RAPGEF5: variants seen among roughly 807,000 people sequenced by gnomAD.
The protein encoded by RAPGEF5 is Rap guanine nucleotide exchange factor 5.
In RAPGEF5, 65 loss-of-function variants were observed where a neutral mutation model predicts 125.2. The ratio of observed to expected loss-of-function variants is 0.52; its 90% confidence interval spans 0.43 to 0.64. The LOEUF (loss-of-function observed/expected upper bound fraction) is 0.64. Ranked by LOEUF, RAPGEF5 falls within the 30% of genes least tolerant of loss-of-function variation. RAPGEF5 has a pLI of 0.00. For synonymous variants in RAPGEF5, 391 were observed against 385.9 expected (o/e 1.01, Z -0.16); for missense variants, 958 against 1,048.1 (o/e 0.91, Z 1.19).
chr7:22,300,733 G>T (rs905460163), intron 5 of RAPGEF5, among the ~76,000 whole-genome samples: 3 of 152,178 alleles, frequency 2.0e-5, no homozygotes, highest in African/African-American at 7.2e-5. Flanking sequence ...CCTCTGCCCA[G>T]TTCTGACCAA....
chr7:22,288,075 C>G (rs943450186), intron 6 of RAPGEF5, among the ~76,000 whole-genome samples: 1 of 152,196 alleles, frequency 6.6e-6, no homozygotes, highest in African/African-American at 2.4e-5. Context: ...ATTTTTCCAG[C>G]AAGATTATGT....
chr7:22,309,692 C>T (rs1328361588), intron 4 of RAPGEF5, among the ~76,000 whole-genome samples: 1 of 152,092 alleles, frequency 6.6e-6, no homozygotes, highest in Non-Finnish European at 1.5e-5. Context: ...AGTTTGTAAG[C>T]AGCATATTGA....
At chr7:22,334,028 AG>A (rs1369725246) in intron 1 of RAPGEF5, among the ~76,000 whole-genome samples, 1 of 145,556 alleles carries the variant, frequency 6.9e-6, no homozygotes, top group African/African-American at 2.5e-5. Flanking sequence ...CAGAGCGGAC[AG>A]TGTTAAGAGA....
intron 11 of RAPGEF5, among the ~76,000 whole-genome samples, chr7:22,183,024 G>C (rs1351421043): frequency 6.6e-6 from 1 of 152,136 alleles, no homozygotes; most frequent in African/African-American, 2.4e-5. Flanking sequence ...TATAATCCCA[G>C]CATTTTGGGA....
chr7:22,180,052 C>T (rs1445181528), intron 11 of RAPGEF5, among the ~76,000 whole-genome samples: 1 of 152,200 alleles, frequency 6.6e-6, no homozygotes, highest in Non-Finnish European at 1.5e-5. Flanking sequence ...TGAATTACTT[C>T]TTGCGTGAGA....
At chr7:22,344,460 T>C (rs953932516) in intron 1 of RAPGEF5, among the ~76,000 whole-genome samples, 2 of 151,586 alleles carry the variant, frequency 1.3e-5, no homozygotes, top group African/African-American at 4.8e-5. Context: ...GGTGACGCGA[T>C]TGAGGAGGGA....
At chr7:22,321,036 G>C (rs1028831397) in intron 1 of RAPGEF5, among the ~76,000 whole-genome samples, 1 of 152,058 alleles carries the variant, frequency 6.6e-6, no homozygotes, top group Non-Finnish European at 1.5e-5. Context: ...AATTACTTAA[G>C]TTGGATGCAA....
chr7:22,200,898 A>G (rs1003752193), intron 9 of RAPGEF5, among the ~76,000 whole-genome samples: 1 of 152,176 alleles, frequency 6.6e-6, no homozygotes, highest in African/African-American at 2.4e-5. Context: ...TATAAAGTCA[A>G]TGTCTTTTTA....
rs560073169 is a variant in RAPGEF5, at chr7:22,146,761, A to G, written c.2007+136T>C. ...TTTTTAGAATTGAGTCAGTCTTTCA[A>G]TATATTTCAAGTCCCCAAATATCTT... On this transcript the variant is annotated intron_variant, in intron 19 of 25. Coordinates refer to ENST00000665637, the MANE Select transcript of RAPGEF5 (RefSeq NM_012294.5). The G allele has an allele frequency of 9.7e-6, 11 of 1,135,928 alleles. No homozygotes were observed. The African/African-American group carries it at 1.6e-4, about 16-fold the overall frequency. 70.4% of individuals were successfully genotyped at this position (1,135,928 alleles called of 1,614,324 possible). A position where few individuals can be genotyped will look rare whatever the true frequency, so the allele number is the denominator to read the frequency against.
At chr7:22,153,014 C>T (rs903141071) in intron 17 of RAPGEF5, among the ~76,000 whole-genome samples, 1 of 152,158 alleles carries the variant, frequency 6.6e-6, no homozygotes, top group Non-Finnish European at 1.5e-5. Context: ...AATGGTATTT[C>T]ACAGCCACCA....
At chr7:22,335,531 C>A (rs943617747) in intron 1 of RAPGEF5, among the ~76,000 whole-genome samples, 2 of 151,926 alleles carry the variant, frequency 1.3e-5, no homozygotes, top group Non-Finnish European at 1.5e-5. Context: ...GGAGACCTGG[C>A]ACTGGGCAGG....
intron 24 of RAPGEF5, among the ~76,000 whole-genome samples, chr7:22,128,799 C>T (rs766684564): frequency 1.3e-5 from 2 of 152,164 alleles, no homozygotes; most frequent in Non-Finnish European, 2.9e-5. Flanking sequence ...GACGGGCTTG[C>T]GTGTGCGCTA....
chr7:22,352,037 C>T (rs558982562), intron 1 of RAPGEF5, among the ~76,000 whole-genome samples: 2 of 152,202 alleles, frequency 1.3e-5, no homozygotes, highest in African/African-American at 4.8e-5. Flanking sequence ...GAATTAGGCC[C>T]TTCTGATGAC....
chr7:22,227,986 G>C (rs1278361001), intron 8 of RAPGEF5, among the ~76,000 whole-genome samples: 5 of 152,190 alleles, frequency 3.3e-5, no homozygotes, highest in Admixed American at 3.3e-4. Context: ...AGAATATTTT[G>C]TGTCTGCAAA....
intron 4 of RAPGEF5, among the ~76,000 whole-genome samples, chr7:22,309,036 G>A (rs931111554): frequency 2.0e-5 from 3 of 152,088 alleles, no homozygotes; most frequent in African/African-American, 4.8e-5. Flanking sequence ...TACAATGTAC[G>A]GGACAGCCCG....
intron 1 of RAPGEF5, among the ~76,000 whole-genome samples, chr7:22,334,250 C>G (rs1783983957): frequency 6.7e-6 from 1 of 148,650 alleles, no homozygotes. Context: ...TCTCATTCAA[C>G]AAAACAATAG....
chr7:22,238,347 G>A (rs752567060), intron 7 of RAPGEF5, among the ~76,000 whole-genome samples: 4 of 152,144 alleles, frequency 2.6e-5, no homozygotes, highest in Admixed American at 2.6e-4. Context: ...TTTGTAAATT[G>A]TAAATTGACA....
chr7:22,249,712 T>C (rs1244603860), intron 7 of RAPGEF5, among the ~76,000 whole-genome samples: 2 of 152,222 alleles, frequency 1.3e-5, no homozygotes, highest in Non-Finnish European at 2.9e-5. Context: ...TATGTTTTAT[T>C]CTATGGTGAC....
chr7:22,149,023 T>C (rs1583412981), intron 18 of RAPGEF5, among the ~76,000 whole-genome samples: 1 of 152,178 alleles, frequency 6.6e-6, no homozygotes, highest in African/African-American at 2.4e-5. Flanking sequence ...GTAAGGCATG[T>C]ACAAATGAAA....
Sources: allele counts gnomAD v4.1 joint callset (sites outside exome capture counted in the v4.1 genomes callset), GRCh38; gene constraint gnomAD v4.1.1; transcripts MANE v1.5; gene names NCBI Gene and HGNC (gene_info 2026-07-23, HGNC 2026-07-21).